Variants in KPNB1 observed in about 807,000 individuals in gnomAD.
KPNB1 encodes importin subunit beta-1.
KPNB1 carries 7 observed loss-of-function variants against 113.0 expected under a neutral mutation model. The ratio of observed to expected loss-of-function variants is 0.06; its 90% CI spans 0.04 to 0.12. KPNB1 has a LOEUF of 0.12. Among genes scored for constraint, KPNB1 ranks in the 10% least tolerant of loss-of-function variants. KPNB1 has a pLI of 1.00. For synonymous variants in KPNB1, 363 were observed against 378.6 expected, an observed-to-expected ratio of 0.96 and a Z score of 0.48; for missense variants, 400 against 1,054.8, an observed-to-expected ratio of 0.38 and a Z score of 8.60.
At chr17:47,681,686 G>GTTTGTTTTTTT (rs1567896578) in intron 21 of KPNB1, among the ~76,000 whole-genome samples, 59 of 95,980 alleles carry the variant, frequency 6.1e-4, no homozygotes, top group Non-Finnish European at 9.7e-4. Context: ...GGAATTATAG[G>GTTTGTTTTTTT]TTTTTTTTTT....
At chr17:47,681,855 A>G (rs2030796807) in intron 21 of KPNB1, among the ~76,000 whole-genome samples, 1 of 151,264 alleles carries the variant, frequency 6.6e-6, no homozygotes, top group African/African-American at 2.4e-5. Flanking sequence ...TTGTTTGGAG[A>G]CAGAGTCTCC....
intron 6 of KPNB1, 103 bp from the exon 7 acceptor site, chr17:47,662,986 T>C: frequency 1.3e-6 from 1 of 755,642 alleles, no homozygotes; most frequent in African/African-American, 1.7e-5. Flanking sequence ...ATCCCATATT[T>C]ACCTCAATTA....
In KPNB1 at chr17:47,664,153, C is replaced by T; in HGVS notation, c.787-6C>T. 6.2e-7 allele frequency: 1 copy of T among 1,603,578 alleles called. No homozygotes were observed. Among genetic ancestry groups the T allele is most frequent in the Non-Finnish European group, 8.5e-7 (1 of 1,170,766 alleles). On this transcript the variant is annotated splice_region_variant and splice_polypyrimidine_tract_variant and intron_variant, in intron 7 of 21. Transcript: ENST00000290158. ...ATTTGGGGCCTGGGGTGTTTTTCTT[C>T]TTAAGATCACAATCGAAGCAATGAA... is the stretch of plus-strand genomic sequence containing the variant.
In KPNB1 at chr17:47,670,477, G is replaced by C. The variant is rs2030412776; in HGVS notation, c.1417-225G>C. 7.9e-6 allele frequency: 3 copies of C among 381,982 alleles called. No homozygotes were observed. The Admixed American group carries it at 1.2e-4, about 15-fold the overall frequency. The allele number at this position is 381,982 out of a possible 1,614,324, so 23.7% of individuals were successfully genotyped here. A position where few individuals can be genotyped will look rare whatever the true frequency, so the allele number is the denominator to read the frequency against. On this transcript the variant is annotated intron_variant, in intron 11 of 21. Coordinates refer to ENST00000290158, the MANE Select transcript of KPNB1 (RefSeq NM_002265.6). ...TGGCAGGTATTGGTGAAAGTACTCT[G>C]CTGCTTAGAGAGTTGTCAGATTATC...
intron 20 of KPNB1, 31 bp downstream of exon 20, chr17:47,680,165 T>C (rs371342680): frequency 1.4e-5 from 19 of 1,393,680 alleles, no homozygotes; most frequent in Non-Finnish European, 1.9e-5. Context: ...AAGAGCTGAA[T>C]AGAACTTCTC....
At position 47,650,377 on chromosome 17, in the gene KPNB1, T is replaced by C. The variant is rs781328388; in HGVS notation, c.41-9T>C. On this transcript the variant is annotated splice_polypyrimidine_tract_variant and intron_variant, in intron 1 of 21. Transcript: ENST00000290158. ...GACCCCGCTCCGTCTCCCACTTTCC[T>C]CCCCCTAGATCGGCTGGAGCTGGAA... The C allele has an allele frequency of 6.2e-7, 1 of 1,610,352 alleles. No individual in the cohort carries two copies. Among genetic ancestry groups the C allele is most frequent in the South Asian group, 1.1e-5 (1 of 90,770 alleles).
intron 20 of KPNB1, 145 bp downstream of exon 20, chr17:47,680,279 T>A: frequency 2.7e-6 from 2 of 747,016 alleles, no homozygotes; most frequent in South Asian, 3.4e-5. Flanking sequence ...CTTCATGTCC[T>A]GTTTTGAGTG....
intron 7 of KPNB1, 89 bp from the exon 8 acceptor site, chr17:47,664,070 A>G: frequency 1.4e-6 from 1 of 707,576 alleles, no homozygotes. Flanking sequence ...CATTTCTGAA[A>G]TTTGCATGTC....
chr17:47,650,150 C>T lies in KPNB1; in HGVS notation c.-95C>T, dbSNP rs1597918885. ...CCGCCCCCCACCCCACCCTCCCTTC[C>T]CACCCGACCCCCAACCCCCATCCCC... On this transcript the variant is annotated 5_prime_UTR_variant, in exon 1 of 22. Transcript: ENST00000290158. The T allele has an allele frequency of 1.4e-6, 1 of 700,186 alleles. No individual in the cohort carries two copies. Among genetic ancestry groups the T allele is most frequent in the Non-Finnish European group, 1.8e-6 (1 of 542,492 alleles). 43.4% of individuals were successfully genotyped at this position (700,186 alleles called of 1,614,324 possible). A position where few individuals can be genotyped will look rare whatever the true frequency, so the allele number is the denominator to read the frequency against.
Position 47,685,369 on chromosome 17 carries a change from C to T in KPNB1, c.*2965C>T, listed in dbSNP as rs2030909842. On this transcript the variant is annotated 3_prime_UTR_variant, in exon 22 of 22. Coordinates refer to ENST00000290158, the MANE Select transcript of KPNB1 (RefSeq NM_002265.6). ...TGAAACAACTTCAATCTGTAATTGGCATTCAGAATGCCCTTGGCATGCCAG... is the reference window on the plus strand; with the variant it reads ...TGAAACAACTTCAATCTGTAATTGGTATTCAGAATGCCCTTGGCATGCCAG... 1 of 152,190 alleles carries T rather than the reference C, an allele frequency of 6.6e-6. No homozygotes were observed. Among genetic ancestry groups the T allele is most frequent in the Non-Finnish European group, 1.5e-5 (1 of 68,040 alleles). The allele number at this position is 152,190 out of a possible 1,614,324, so 9.4% of individuals were successfully genotyped here.
chr17:47,660,185 G>T (rs1369918561), intron 5 of KPNB1, among the ~76,000 whole-genome samples: 1 of 151,966 alleles, frequency 6.6e-6, no homozygotes, highest in Non-Finnish European at 1.5e-5. Context: ...CTACTCTAAC[G>T]AAATACCTTA....
At chr17:47,665,741 A>G (rs1380448627) in intron 9 of KPNB1, among the ~76,000 whole-genome samples, 1 of 152,212 alleles carries the variant, frequency 6.6e-6, no homozygotes, top group Non-Finnish European at 1.5e-5. Context: ...AAGTTCTTTT[A>G]TGAGGACCGT....
Position 47,682,590 on chromosome 17 carries a change from C to A in KPNB1, c.*186C>A. 1.6e-6 allele frequency: 1 copy of A among 623,266 alleles called. No homozygotes were observed. Among genetic ancestry groups the A allele is most frequent in the Non-Finnish European group, 2.9e-6 (1 of 345,330 alleles). 38.6% of individuals were successfully genotyped at this position (623,266 alleles called of 1,614,324 possible). The stretch of plus-strand genomic sequence containing the variant: ...CAGCAGCCGCAGCCGCCAACAGCAG[C>A]GCTGTTAGTGAGCTAAGTAAGCACT... On this transcript the variant is annotated 3_prime_UTR_variant, in exon 22 of 22. Transcript: ENST00000290158.
intron 16 of KPNB1, 122 bp downstream of exon 16, chr17:47,676,613 C>G (rs1020431743): frequency 3.5e-5 from 24 of 693,558 alleles, no homozygotes; most frequent in South Asian, 3.3e-4. Flanking sequence ...AAAAGGCAAG[C>G]TACTTTATTC....
At chr17:47,659,474 G>A (rs950435385) in intron 5 of KPNB1, among the ~76,000 whole-genome samples, 11 of 152,036 alleles carry the variant, frequency 7.2e-5, no homozygotes, top group African/African-American at 1.2e-4. Context: ...TGTGGAGGCC[G>A]GGTGCTGGGG....
chr17:47,663,081 C>G lies in KPNB1; in HGVS notation c.697-8C>G, dbSNP rs1567890233. 2 of 1,495,588 alleles carry G rather than the reference C, an allele frequency of 1.3e-6. No individual in the cohort carries two copies. Among genetic ancestry groups the G allele is most frequent in the Non-Finnish European group, 1.9e-6 (2 of 1,072,340 alleles). The allele number at this position is 1,495,588 out of a possible 1,614,324, so 92.6% of individuals were successfully genotyped here. A position where few individuals can be genotyped will look rare whatever the true frequency, so the allele number is the denominator to read the frequency against. ...TTAGTAAACTATCTGATCTGCTGTT[C>G]ATAAAAGGTACGAGTGGCTGCTTTA... On this transcript the variant is annotated splice_region_variant and splice_polypyrimidine_tract_variant and intron_variant, in intron 6 of 21. Transcript: ENST00000290158.
intron 17 of KPNB1, among the ~76,000 whole-genome samples, chr17:47,677,332 C>CGTG: frequency 6.6e-6 from 1 of 151,768 alleles, no homozygotes; most frequent in South Asian, 2.1e-4. Flanking sequence ...ATTAGCCGGG[C>CGTG]GTGATGGCAG....
chr17:47,651,408 CAT>C, intron 2 of KPNB1: 1 of 928,652 alleles, frequency 1.1e-6, no homozygotes, highest in Non-Finnish European at 1.3e-6. Context: ...TAACACTAAC[CAT>C]ATGTGTTCCT....
Position 47,658,633 on chromosome 17 carries a change from G to A in KPNB1, c.609G>A (p.Glu203=), listed in dbSNP as rs1341610191. 5 of 1,613,686 alleles carry A rather than the reference G, an allele frequency of 3.1e-6. No homozygotes were observed. The change falls in exon 5 of 22, where the codon GAG becomes GAA. Residue 203 remains glutamate (E), a synonymous_variant. Coordinates refer to ENST00000290158, the MANE Select transcript of KPNB1 (RefSeq NM_002265.6). Reference sequence around the variant, plus strand: ...CGAATGCACTCCTGAACTCATTGGAGTTCACCAAAGCAAACTTTGATAAAG... The same window carrying A: ...CGAATGCACTCCTGAACTCATTGGAATTCACCAAAGCAAACTTTGATAAAG... ...AATNALLNSL[E]FTKANFDKES...
Sources: gnomAD v4.1 joint callset for allele counts (sites outside exome capture counted in the v4.1 genomes callset) on GRCh38, gnomAD v4.1.1 for gene constraint, MANE v1.5 for transcripts, NCBI Gene and HGNC (gene_info 2026-07-23, HGNC 2026-07-21) for gene names.